The following LARP1 variants were observed in gnomAD, a reference collection of about 807,000 sequenced individuals.
LARP1 encodes the protein La ribonucleoprotein 1, translational regulator.
LARP1 carries 36 observed loss-of-function variants against 122.7 expected under a neutral mutation model. That is an observed-to-expected ratio of 0.29 (90% confidence interval 0.22 to 0.39). The LOEUF (loss-of-function observed/expected upper bound fraction) is 0.39, where lower values mean the gene tolerates loss of function less well. Among genes scored for constraint, LARP1 ranks in the 10% least tolerant of loss-of-function variants. The probability of loss-of-function intolerance (pLI) is 1.00; values close to 1 mark genes in which losing one functional copy is unlikely to be tolerated. For missense variants in LARP1, 1,040 were observed against 1,403.6 expected (o/e 0.74, Z 4.14); for synonymous variants, 539 against 528.7 (o/e 1.02, Z -0.27).
At chr5:154,795,009 T>C (rs1401653304) in intron 7 of LARP1, among the ~76,000 whole-genome samples, 166 bp from the exon 8 acceptor site, 6 of 152,124 alleles carry the variant, frequency 3.9e-5, no homozygotes, top group Non-Finnish European at 1.5e-5. Context: ...CATGAAGGGA[T>C]CACATCATTT....
Position 154,737,769 on chromosome 5 carries a change from C to G in LARP1, c.205+24639C>G, listed in dbSNP as rs140701469. Among the ~76,000 whole-genome samples the G allele has an allele frequency of 2.7e-4, 41 of 152,160 alleles. No individual in the cohort carries two copies. The East Asian group carries it at 7.1e-3, about 26-fold the overall frequency. On this transcript the variant is annotated intron_variant, in intron 1 of 18. Coordinates refer to the LARP1 transcript ENST00000336314. ...TCTCTTCCCCAAGCTTCTGCCAAGT[C>G]TCTCTCTCTCTTTGATCTCCTCTGA...
At chr5:154,811,197 G>A (rs370614103) in intron 16 of LARP1, 50 bp from the exon 17 acceptor site, 21 of 1,395,556 alleles carry the variant, frequency 1.5e-5, no homozygotes, top group Middle Eastern at 1.8e-4. Context: ...CACATTTCCC[G>A]TTTTACAGAT....
chr5:154,813,670 C>T (rs895513441), intron 18 of LARP1, among the ~76,000 whole-genome samples: 1 of 152,186 alleles, frequency 6.6e-6, no homozygotes, highest in African/African-American at 2.4e-5. Flanking sequence ...CATGGGTCCA[C>T]ATCAAAGGGT....
chr5:154,717,729 C>G (rs1051345890), intron 1 of LARP1, among the ~76,000 whole-genome samples: 6 of 152,182 alleles, frequency 3.9e-5, no homozygotes, highest in African/African-American at 1.4e-4. Context: ...CGTGCCTCCA[C>G]TCATCTGTTC....
intron 1 of LARP1, among the ~76,000 whole-genome samples, chr5:154,734,011 T>C (rs1318531965): frequency 4.0e-5 from 6 of 151,652 alleles, no homozygotes; most frequent in Admixed American, 1.3e-4. Flanking sequence ...ACTAAAAATA[T>C]AAAAAATTAG....
chr5:154,690,219 G>C (rs1754129405), intron 1 of LARP1, among the ~76,000 whole-genome samples: 1 of 152,110 alleles, frequency 6.6e-6, no homozygotes, highest in African/African-American at 2.4e-5. Context: ...GACAATGCCA[G>C]CTGTGGTTTA....
At chr5:154,711,229 G>C (rs1755203894), upstream of LARP1, among the ~76,000 whole-genome samples, 1 of 150,982 alleles carries the variant, frequency 6.6e-6, no homozygotes, top group Non-Finnish European at 1.5e-5. Flanking sequence ...GCAACCTCCA[G>C]CTCCCGGGTT....
At chr5:154,695,044 G>A (rs1252029374) in intron 1 of LARP1, among the ~76,000 whole-genome samples, 2 of 151,968 alleles carry the variant, frequency 1.3e-5, no homozygotes, top group South Asian at 2.1e-4. Context: ...GGCTGGGCAC[G>A]GTGGCTCACG....
At chr5:154,768,170 G>T (rs1403911038) in intron 1 of LARP1, among the ~76,000 whole-genome samples, 1 of 152,190 alleles carries the variant, frequency 6.6e-6, no homozygotes, top group Non-Finnish European at 1.5e-5. Context: ...AATGGATTCA[G>T]TTGTCACAGG....
intron 1 of LARP1, among the ~76,000 whole-genome samples, chr5:154,690,198 C>T (rs1489655114): frequency 6.6e-6 from 1 of 152,024 alleles, no homozygotes; most frequent in Non-Finnish European, 1.5e-5. Flanking sequence ...GCCCCTACCC[C>T]ATTGCAGTTA....
At chr5:154,768,020 G>C (rs989561389) in intron 1 of LARP1, among the ~76,000 whole-genome samples, 1 of 152,160 alleles carries the variant, frequency 6.6e-6, no homozygotes, top group African/African-American at 2.4e-5. Context: ...TTGGGGGTGC[G>C]GTGGGAAATG....
chr5:154,801,971 G>A (rs1758386708), intron 10 of LARP1, 36 bp from the exon 11 acceptor site: 1 of 1,567,514 alleles, frequency 6.4e-7, no homozygotes, highest in Non-Finnish European at 8.6e-7. Context: ...AAGGATCTCT[G>A]GTGATTCCTT....
chr5:154,746,404 G>A lies in LARP1; in HGVS notation c.205+33274G>A, dbSNP rs897295547. 3.9e-5 allele frequency among the ~76,000 whole-genome samples: 6 copies of A among 152,280 alleles called. No individual in the cohort carries two copies. The South Asian group carries it at 6.2e-4, about 16-fold the overall frequency. ...CAATTTTGCCTTCTGATTTCCACTC[G>A]TCTCCATGAATTTGGATGTTTCTTG... On this transcript the variant is annotated intron_variant, in intron 1 of 18. Transcript: ENST00000336314.
At chr5:154,761,902 T>C (rs575814718) in intron 1 of LARP1, among the ~76,000 whole-genome samples, 4 of 152,322 alleles carry the variant, frequency 2.6e-5, no homozygotes, top group East Asian at 1.9e-4. Context: ...TGAGGTTGTT[T>C]AGAGCGTCAA....
chr5:154,794,058 G>T, intron 6 of LARP1, 42 bp from the exon 7 acceptor site: 1 of 1,611,796 alleles, frequency 6.2e-7, no homozygotes, highest in Non-Finnish European at 8.5e-7. Flanking sequence ...GGGGTGGTGG[G>T]CAGGAATCTC....
intron 1 of LARP1, among the ~76,000 whole-genome samples, chr5:154,683,143 G>A (rs955149039): frequency 6.6e-6 from 1 of 152,218 alleles, no homozygotes; most frequent in African/African-American, 2.4e-5. Context: ...CCGGGCCGCG[G>A]TGGGGGACGG....
chr5:154,725,872 G>A (rs535317411), intron 1 of LARP1, among the ~76,000 whole-genome samples: 4 of 151,628 alleles, frequency 2.6e-5, no homozygotes, highest in South Asian at 2.1e-4. Flanking sequence ...TTGAAGTCTC[G>A]CTCTGTCACC....
At chr5:154,785,971 G>A (rs1009531595) in intron 1 of LARP1, among the ~76,000 whole-genome samples, 15 of 152,128 alleles carry the variant, frequency 9.9e-5, no homozygotes, top group Admixed American at 9.8e-4. Context: ...GCAGATAGTT[G>A]CCAGAAAAGT....
In LARP1 at chr5:154,700,140, A is replaced by G. The variant is rs570264459; in HGVS notation, c.-180+17103A>G. Among the ~76,000 whole-genome samples the G allele has an allele frequency of 5.3e-5, 8 of 152,340 alleles. No homozygotes were observed. In the South Asian group the frequency reaches 1.0e-3, roughly 20 times the overall value. On this transcript the variant is annotated intron_variant, in intron 1 of 18. Transcript: ENST00000687700. The stretch of plus-strand genomic sequence containing the variant: ...CACAAAATTTTGACAGGTGCAAAAA[A>G]ATGCAGTAATCAAATAATATTTTAA...
Sources: gnomAD v4.1 joint callset for allele counts (sites outside exome capture counted in the v4.1 genomes callset) on GRCh38, gnomAD v4.1.1 for gene constraint, MANE v1.5 for transcripts, NCBI Gene and HGNC (gene_info 2026-07-23, HGNC 2026-07-21) for gene names.